The following RAP1B variants were observed in gnomAD, a reference collection of about 807,000 sequenced individuals.
RAP1B encodes the protein ras-related protein Rap-1b.
RAP1B carries 1 observed loss-of-function variant against 27.5 expected under a neutral mutation model. The observed-to-expected ratio is 0.04, with a 90% CI of 0.01 to 0.17. RAP1B has a LOEUF of 0.17. RAP1B is among the 10% of genes least tolerant of loss of function. RAP1B has a pLI of 1.00. For synonymous variants in RAP1B, 75 were observed against 73.1 expected, an observed-to-expected ratio of 1.03 and a Z score of -0.13; for missense variants, 84 against 214.8, an observed-to-expected ratio of 0.39 and a Z score of 3.81.
intron 4 of RAP1B, 45 bp downstream of exon 4, chr12:68,652,096 A>G (rs376154756): frequency 5.1e-5 from 72 of 1,410,864 alleles, no homozygotes; most frequent in Non-Finnish European, 7.0e-5. Context: ...TTTGTACAGT[A>G]TTGACTTCAT....
intron 1 of RAP1B, among the ~76,000 whole-genome samples, chr12:68,628,132 A>G (rs527336452): frequency 6.6e-6 from 1 of 152,234 alleles, no homozygotes; most frequent in African/African-American, 2.4e-5. Context: ...AAGATGCCAG[A>G]TACTAGCTTT....
At chr12:68,654,353 G>GGC (rs1555173463) in intron 5 of RAP1B, 101 bp downstream of exon 5, 1 of 450,956 alleles carries the variant, frequency 2.2e-6, no homozygotes, top group East Asian at 1.0e-4. Flanking sequence ...ATTTTGGTTG[G>GGC]GGGGGGGGTG....
intron 2 of RAP1B, chr12:68,649,066 C>A: frequency 3.2e-6 from 1 of 316,126 alleles, no homozygotes; most frequent in Non-Finnish European, 5.7e-6. Context: ...ATTCGCATTT[C>A]AGAGCCAGAT....
chr12:68,617,456 A>G (rs1871106456), intron 1 of RAP1B, among the ~76,000 whole-genome samples: 1 of 152,180 alleles, frequency 6.6e-6, no homozygotes, highest in Non-Finnish European at 1.5e-5. Flanking sequence ...GTTTTCTCCT[A>G]CTGCTCTTGA....
At chr12:68,615,875 C>A (rs145482612) in intron 1 of RAP1B, among the ~76,000 whole-genome samples, 102 of 151,696 alleles carry the variant, frequency 6.7e-4, no homozygotes, top group African/African-American at 2.4e-3. Context: ...ATTTTTTTTC[C>A]GGTACTGGGG....
rs542001645 is a variant in RAP1B at position 68,627,303 on chromosome 12, G to A, written c.-27+16260G>A. The A allele has an allele frequency of 2.6e-5, 21 of 816,712 alleles. No individual in the cohort carries two copies. In the East Asian group the frequency reaches 4.9e-4, roughly 19 times the overall value. The allele number at this position is 816,712 out of a possible 1,614,324, so 50.6% of individuals were successfully genotyped here. On this transcript the variant is annotated intron_variant, in intron 1 of 7. Transcript: ENST00000250559. ...ACAGGCTGCATACACTACCAAGGAA[G>A]CTGCTGTTTGCAGCCATTGCACACT...
At chr12:68,635,839 T>C (rs1164039435) in intron 1 of RAP1B, among the ~76,000 whole-genome samples, 2 of 152,046 alleles carry the variant, frequency 1.3e-5, no homozygotes, top group Non-Finnish European at 2.9e-5. Flanking sequence ...CAACTTGAGA[T>C]TGGAGAACTG....
chr12:68,620,203 A>AT (rs777716968), intron 1 of RAP1B, among the ~76,000 whole-genome samples: 32 of 145,934 alleles, frequency 2.2e-4, no homozygotes, highest in South Asian at 2.2e-3. Context: ...TTATTTTTTT[A>AT]TTTTTTTTTA....
rs981632937 is a variant in RAP1B at position 68,630,687 on chromosome 12, GT to G, written c.-26-18005del. Reference sequence around the variant, plus strand: ...GGGTCTTTTTTGTTTTTGTTTTTTTGTTTTTTTCAAGGCAGGTTCTCACTCT... The same window carrying G: ...GGGTCTTTTTTGTTTTTGTTTTTTTGTTTTTTCAAGGCAGGTTCTCACTCT... On this transcript the variant is annotated intron_variant, in intron 1 of 7. Transcript: ENST00000250559. 1.4e-4 allele frequency among the ~76,000 whole-genome samples: 21 copies of G among 151,324 alleles called. No individual in the cohort carries two copies. The South Asian group carries it at 4.0e-3, about 29-fold the overall frequency.
intron 1 of RAP1B, among the ~76,000 whole-genome samples, chr12:68,630,260 A>G (rs572331495): frequency 8.5e-5 from 13 of 152,216 alleles, no homozygotes; most frequent in Non-Finnish European, 1.6e-4. Context: ...CCTGATAACT[A>G]TTTTAAGCCT....
chr12:68,637,444 A>G (rs1327589503), intron 1 of RAP1B, among the ~76,000 whole-genome samples: 1 of 151,828 alleles, frequency 6.6e-6, no homozygotes, highest in Non-Finnish European at 1.5e-5. Flanking sequence ...CTAAAAATAT[A>G]AAATTAGCCA....
At chr12:68,657,302 T>C in intron 7 of RAP1B, 85 bp downstream of exon 7, 1 of 791,416 alleles carries the variant, frequency 1.3e-6, no homozygotes, top group South Asian at 1.9e-5. Context: ...TAGACTTCTT[T>C]TTGTTGGTTC....
chr12:68,646,547 C>T (rs1472232264), intron 1 of RAP1B, among the ~76,000 whole-genome samples: 2 of 152,176 alleles, frequency 1.3e-5, no homozygotes, highest in East Asian at 3.9e-4. Flanking sequence ...CTCAGCCTCC[C>T]AAAGTGCTAG....
In RAP1B at chr12:68,644,686, CT is replaced by C. The variant is rs535569981; in HGVS notation, c.-26-3993del. 3.2e-3 allele frequency among the ~76,000 whole-genome samples: 354 copies of C among 109,102 alleles called. No homozygotes were observed. In the East Asian group the frequency reaches 0.034, roughly 11 times the overall value. The allele number at this position is 109,102 out of a possible 152,430, so 71.6% of individuals were successfully genotyped here. ...ATTGTTACTCTTATTTTAAAAGTTA[CT>C]TTTTTTTTTTTTTTTTTTTGAGATG... On this transcript the variant is annotated intron_variant, in intron 1 of 7. Coordinates refer to ENST00000250559, the MANE Select transcript of RAP1B (RefSeq NM_001010942.3).
intron 1 of RAP1B, among the ~76,000 whole-genome samples, chr12:68,630,450 AT>A (rs937601084): frequency 1.3e-5 from 2 of 152,148 alleles, no homozygotes; most frequent in African/African-American, 4.8e-5. Context: ...AGCAAATGGG[AT>A]TTGGCCTGGG....
intron 1 of RAP1B, among the ~76,000 whole-genome samples, chr12:68,631,255 T>C (rs867121988): frequency 1.3e-5 from 2 of 152,198 alleles, no homozygotes; most frequent in Non-Finnish European, 1.5e-5. Flanking sequence ...TTCTTAACTA[T>C]CCTTATGTCA....
At chr12:68,629,179 A>G (rs1049067096) in intron 1 of RAP1B, among the ~76,000 whole-genome samples, 17 of 152,106 alleles carry the variant, frequency 1.1e-4, no homozygotes, top group Admixed American at 7.2e-4. Context: ...AGGTTTCACA[A>G]TGTTTCCCAG....
chr12:68,615,722 C>T (rs576129117), intron 1 of RAP1B, among the ~76,000 whole-genome samples: 28 of 152,084 alleles, frequency 1.8e-4, no homozygotes, highest in African/African-American at 6.8e-4. Context: ...CAAACCATTT[C>T]CTAAAGCTTA....
intron 1 of RAP1B, among the ~76,000 whole-genome samples, chr12:68,625,881 C>G (rs556775710): frequency 6.6e-6 from 1 of 151,416 alleles, no homozygotes; most frequent in African/African-American, 2.4e-5. Context: ...AAGATCGTGC[C>G]GCTGCACTCC....
Sources: allele counts gnomAD v4.1 joint callset (sites outside exome capture counted in the v4.1 genomes callset), GRCh38; gene constraint gnomAD v4.1.1; transcripts MANE v1.5; gene names NCBI Gene and HGNC (gene_info 2026-07-23, HGNC 2026-07-21).